ADAM12: variants seen among roughly 807,000 people sequenced by gnomAD.
ADAM12 encodes the protein disintegrin and metalloproteinase domain-containing protein 12.
In ADAM12, 70 loss-of-function variants were observed where a neutral mutation model predicts 106.4. The ratio of observed to expected loss-of-function variants is 0.66; its 90% CI spans 0.54 to 0.80. The LOEUF (loss-of-function observed/expected upper bound fraction) is 0.80, where lower values mean the gene tolerates loss of function less well. Among genes scored for constraint, ADAM12 ranks in the 30% least tolerant of loss-of-function variants. ADAM12 has a pLI of 0.00. For missense variants in ADAM12, 1,010 were observed against 1,171.9 expected (o/e 0.86, Z 2.02); for synonymous variants, 420 against 433.5 (o/e 0.97, Z 0.39).
At chr10:126,172,289 C>T (rs926102456) in intron 3 of ADAM12, among the ~76,000 whole-genome samples, 1 of 152,124 alleles carries the variant, frequency 6.6e-6, no homozygotes, top group Admixed American at 6.5e-5. Flanking sequence ...CATTTCAGTT[C>T]TCAATGGGTC....
intron 3 of ADAM12, among the ~76,000 whole-genome samples, chr10:126,201,442 G>A (rs1957698822): frequency 6.6e-6 from 1 of 152,160 alleles, no homozygotes; most frequent in Non-Finnish European, 1.5e-5. Context: ...AAACGCCAGG[G>A]AACCCCAGGC....
chr10:126,318,714 A>T (rs1687088189), intron 2 of ADAM12, among the ~76,000 whole-genome samples: 1 of 152,228 alleles, frequency 6.6e-6, no homozygotes. Flanking sequence ...AGAGTATTGG[A>T]TTATATTCTA....
intron 14 of ADAM12, among the ~76,000 whole-genome samples, chr10:126,051,771 C>G (rs74158095): frequency 0.026 from 4,016 of 152,238 alleles, 182 homozygotes; most frequent in African/African-American, 0.09. Context: ...TAAGAGGGAC[C>G]AAACTGGACA....
At chr10:126,293,722 T>C (rs1960253494) in intron 2 of ADAM12, among the ~76,000 whole-genome samples, 1 of 152,156 alleles carries the variant, frequency 6.6e-6, no homozygotes, top group South Asian at 2.1e-4. Flanking sequence ...GGTTGCACCA[T>C]GTTGGCCAGG....
intron 18 of ADAM12, among the ~76,000 whole-genome samples, chr10:126,042,707 C>T (rs536819835): frequency 5.3e-5 from 8 of 152,280 alleles, no homozygotes; most frequent in South Asian, 2.1e-4. Context: ...ACACAGATGT[C>T]GGCCTTTACA....
intron 1 of ADAM12, among the ~76,000 whole-genome samples, chr10:126,345,991 T>G (rs1030736612): frequency 6.6e-6 from 1 of 152,214 alleles, no homozygotes; most frequent in Non-Finnish European, 1.5e-5. Context: ...CATTGATTTT[T>G]TGAAGGTTTT....
At chr10:126,133,473 A>G (rs1956345449) in intron 5 of ADAM12, among the ~76,000 whole-genome samples, 1 of 152,112 alleles carries the variant, frequency 6.6e-6, no homozygotes, top group Non-Finnish European at 1.5e-5. Context: ...AAAAGTTGCC[A>G]CCTTTGACCA....
Position 126,064,253 on chromosome 10 carries a change from T to G in ADAM12, c.1609+553A>C, listed in dbSNP as rs1361754411. On this transcript the variant is annotated intron_variant, in intron 14 of 22. Transcript: ENST00000448723. This position sits in a 1 kb window ranked among gnomAD's most constrained non-coding sequence, Gnocchi z 4.4. ...TCACTGCTGCTCTCAGGCCTTCTGA[T>G]TACAGACACACTCATGCTTCAAGTC... 1.3e-5 allele frequency among the ~76,000 whole-genome samples: 2 copies of G among 152,136 alleles called. No individual in the cohort carries two copies. Among genetic ancestry groups the G allele is most frequent in the African/African-American group, 2.4e-5 (1 of 41,438 alleles).
At chr10:126,377,866 C>A (rs1442305542) in intron 1 of ADAM12, among the ~76,000 whole-genome samples, 1 of 151,954 alleles carries the variant, frequency 6.6e-6, no homozygotes, top group Non-Finnish European at 1.5e-5. Context: ...GGATCTCATA[C>A]AAGAAATAAA....
chr10:126,020,992 CAAAAA>C (rs3067295), intron 21 of ADAM12, among the ~76,000 whole-genome samples: 5 of 98,346 alleles, frequency 5.1e-5, no homozygotes, highest in Admixed American at 1.2e-4. Context: ...GACTCTGTCT[CAAAAA>C]AAAAAAAAAA....
intron 18 of ADAM12, chr10:126,041,559 TCTC>T: frequency 1.0e-6 from 1 of 985,884 alleles, no homozygotes; most frequent in African/African-American, 1.7e-5. Flanking sequence ...CCTACCTTCT[TCTC>T]CAGTTTGTTT....
intron 3 of ADAM12, among the ~76,000 whole-genome samples, chr10:126,270,188 C>T (rs1959168899): frequency 6.6e-6 from 1 of 152,182 alleles, no homozygotes; most frequent in African/African-American, 2.4e-5. Flanking sequence ...TTTGACTGCA[C>T]CATCACCCTT....
intron 1 of ADAM12, among the ~76,000 whole-genome samples, chr10:126,355,157 T>C (rs1366007872): frequency 6.6e-6 from 1 of 152,128 alleles, no homozygotes; most frequent in Non-Finnish European, 1.5e-5. Context: ...AATATGAACA[T>C]AGATGAACTA....
chr10:126,302,390 A>C (rs952422033), intron 2 of ADAM12, among the ~76,000 whole-genome samples: 8 of 152,246 alleles, frequency 5.3e-5, no homozygotes, highest in Non-Finnish European at 1.2e-4. Flanking sequence ...ACTAAAATGG[A>C]AAGTCAGCAT....
intron 2 of ADAM12, among the ~76,000 whole-genome samples, chr10:126,326,025 G>A (rs1854288922): frequency 6.6e-6 from 1 of 152,166 alleles, no homozygotes; most frequent in Non-Finnish European, 1.5e-5. Context: ...GTGATGGCTT[G>A]ATTCTTGATT....
chr10:126,281,348 C>T (rs950650363), intron 2 of ADAM12, among the ~76,000 whole-genome samples: 4 of 152,128 alleles, frequency 2.6e-5, no homozygotes, highest in African/African-American at 7.2e-5. Context: ...GCACAGATCA[C>T]ATACCTTAAA....
intron 3 of ADAM12, among the ~76,000 whole-genome samples, chr10:126,199,020 T>C (rs1302092508): frequency 6.6e-6 from 1 of 152,174 alleles, no homozygotes; most frequent in East Asian, 1.9e-4. Flanking sequence ...CAGAAATTTC[T>C]TTCAGGGCAT....
intron 3 of ADAM12, among the ~76,000 whole-genome samples, chr10:126,174,108 A>G (rs1031992497): frequency 1.4e-5 from 2 of 139,928 alleles, no homozygotes; most frequent in Non-Finnish European, 3.0e-5. Flanking sequence ...TCCCGGTTTC[A>G]AGCCATTCTC....
At chr10:126,166,872 C>T (rs1319811173) in intron 3 of ADAM12, among the ~76,000 whole-genome samples, 4 of 152,114 alleles carry the variant, frequency 2.6e-5, no homozygotes, top group Non-Finnish European at 5.9e-5. Context: ...AAAAATAGGG[C>T]CTCAGATACA....
Sources: allele counts gnomAD v4.1 joint callset (sites outside exome capture counted in the v4.1 genomes callset), GRCh38; gene constraint gnomAD v4.1.1; non-coding constraint Gnocchi (gnomAD v3.1); transcripts MANE v1.5; gene names NCBI Gene and HGNC (gene_info 2026-07-23, HGNC 2026-07-21).